The following PKLR variants were observed in gnomAD, a reference collection of about 807,000 sequenced individuals.
The protein encoded by PKLR is pyruvate kinase PKLR.
A neutral mutation model predicts 53.6 loss-of-function variants in PKLR; 38 were observed. The observed-to-expected ratio is 0.71, with a 90% confidence interval of 0.55 to 0.93. The LOEUF (loss-of-function observed/expected upper bound fraction) is 0.93, where lower values mean the gene tolerates loss of function less well. PKLR is among the 40% of genes least tolerant of loss of function. The pLI is 0.00. For missense variants in PKLR, 702 were observed against 787.3 expected, an observed-to-expected ratio of 0.89 and a Z score of 1.30; for synonymous variants, 328 against 316.2, an observed-to-expected ratio of 1.04 and a Z score of -0.39.
chr1:155,292,294 A>C (rs1449471990), intron 9 of PKLR, among the ~76,000 whole-genome samples: 1 of 152,000 alleles, frequency 6.6e-6, no homozygotes, highest in African/African-American at 2.4e-5. Context: ...AAGATATGAG[A>C]TAATACAGAT....
chr1:155,306,842 G>A, the PKLR span, among the ~76,000 whole-genome samples: 4 of 152,108 alleles, frequency 2.6e-5, no homozygotes, highest in Admixed American at 1.3e-4. This position sits in a 1 kb window ranked among gnomAD's most constrained non-coding sequence, Gnocchi z 4.2. Context: ...AGATGTGTTC[G>A]GAGTTTTTTC....
intron 2 of PKLR, 21 bp downstream of exon 2, chr1:155,300,077 C>G: frequency 6.2e-7 from 1 of 1,611,342 alleles, no homozygotes; most frequent in South Asian, 1.1e-5. Context: ...TGTGTGGCTG[C>G]AGGGGGATGG....
chr1:155,293,674 C>G lies in PKLR; in HGVS notation c.1117-84G>C. ...CCAAGCTACTTCTCTGACACCCACA[C>G]TCTCAGAGTGTCCCAAAATCCAGGG... On this transcript the variant is annotated intron_variant, in intron 7 of 10. Transcript: ENST00000342741. The surrounding 1 kb of genome is among the most constrained non-coding windows in gnomAD (Gnocchi z 4.2). 4 of 1,387,282 alleles carry G rather than the reference C, an allele frequency of 2.9e-6. No individual in the cohort carries two copies. Among genetic ancestry groups the G allele is most frequent in the African/African-American group, 1.4e-5 (1 of 70,892 alleles). 85.9% of individuals were successfully genotyped at this position (1,387,282 alleles called of 1,614,324 possible). A position where few individuals can be genotyped will look rare whatever the true frequency, so the allele number is the denominator to read the frequency against.
intron 10 of PKLR, 97 bp downstream of exon 10, chr1:155,291,659 G>A: frequency 1.9e-6 from 2 of 1,065,918 alleles, no homozygotes; most frequent in Non-Finnish European, 2.9e-6. Flanking sequence ...TGGGACCACA[G>A]GAGAGAGGCA....
upstream of PKLR, among the ~76,000 whole-genome samples, chr1:155,303,386 C>CCCACTGTCCAATCTTTATCGAGCA (rs1338572410): frequency 6.6e-6 from 1 of 152,194 alleles, no homozygotes; most frequent in African/African-American, 2.4e-5. Context: ...TTGCCCATTC[C>CCCACTGTCCAATCTTTATCGAGCA]CCACTGTCCA....
chr1:155,293,577 A>G lies in PKLR; in HGVS notation c.1130T>C (p.Met377Thr). 1 of 1,614,106 alleles carries G rather than the reference A, an allele frequency of 6.2e-7. No homozygotes were observed. Among genetic ancestry groups the G allele is most frequent in the Non-Finnish European group, 8.5e-7 (1 of 1,180,022 alleles). Residue 377 changes from methionine to threonine, a missense_variant, in exon 8 of 11, where the codon ATG (methionine) becomes ACG (threonine). By Grantham distance (81) the Met-to-Thr change is moderately conservative. This residue lies in a region of PKLR where 519 missense variants were observed against 537.1 expected (regional missense o/e 0.97). Transcript: ENST00000342741. The surrounding 1 kb of genome is among the most constrained non-coding windows in gnomAD (Gnocchi z 4.2). ...VVCATQMLES[M>T]ITKPRPTRAE... ...CCTCGTTGGCCGGGGCTTGGTAATC[A>G]TGCTCTCCAGCATCTGGGGGACAGC...
chr1:155,291,980 G>T (rs1411001148), intron 9 of PKLR, 43 bp from the exon 10 acceptor site: 1 of 1,577,362 alleles, frequency 6.3e-7, no homozygotes, highest in East Asian at 2.2e-5. Flanking sequence ...GCAAGAAAGT[G>T]GTGAACGAGG....
rs1463495893 is a variant in PKLR at position 155,294,662 on chromosome 1, G to A, written c.785C>T (p.Pro262Leu). The change falls in exon 6 of 11, where the codon CCC becomes CTC. Residue 262 changes from proline (P) to leucine (L), a missense_variant. This residue lies in a region of PKLR where 519 missense variants were observed against 537.1 expected (regional missense o/e 0.97). Coordinates refer to ENST00000342741, the MANE Select transcript of PKLR (RefSeq NM_000298.6). ...TCGGACGTCCTGCTCGGACAGCCCG[G>A]GCAAGTCCACCTGGGCCCCTGGCAA... The part of the protein sequence containing the change: ...VNLPGAQVDL[P>L]GLSEQDVRDL... The A allele has an allele frequency of 1.2e-6, 2 of 1,614,024 alleles. No homozygotes were observed. The highest frequency in any genetic ancestry group is 1.7e-6 in the Non-Finnish European group (2 of 1,180,044).
upstream of PKLR, among the ~76,000 whole-genome samples, chr1:155,304,525 A>G (rs113205811): frequency 6.6e-6 from 1 of 151,560 alleles, no homozygotes; most frequent in Non-Finnish European, 1.5e-5. Context: ...TAGGTGATGG[A>G]CTAGCATGTT....
chr1:155,291,345 A>G (rs1297791488), intron 10 of PKLR, among the ~76,000 whole-genome samples: 1 of 151,620 alleles, frequency 6.6e-6, no homozygotes, highest in Non-Finnish European at 1.5e-5. Flanking sequence ...AAAATACAAA[A>G]ATTATCCAGG....
intron 9 of PKLR, among the ~76,000 whole-genome samples, chr1:155,292,524 C>G (rs978590598): frequency 5.9e-5 from 9 of 152,274 alleles, no homozygotes; most frequent in Admixed American, 5.2e-4. Flanking sequence ...GTAATCCCAG[C>G]TACTCGGAAG....
chr1:155,296,803 G>T (rs1393854075), intron 2 of PKLR, among the ~76,000 whole-genome samples: 1 of 151,960 alleles, frequency 6.6e-6, no homozygotes, highest in African/African-American at 2.4e-5. Context: ...ATCTGTACTT[G>T]CTACCTCTAG....
chr1:155,295,135 G>A lies in PKLR; in HGVS notation c.675C>T (p.Ser225=), dbSNP rs759941126. 5.0e-6 allele frequency: 8 copies of A among 1,614,138 alleles called. No individual in the cohort carries two copies. The South Asian group carries it at 8.8e-5, about 18-fold the overall frequency. Residue 225 remains serine (S), a synonymous_variant, in exon 5 of 11, where the codon TCC becomes TCT. Coordinates refer to ENST00000342741, the MANE Select transcript of PKLR (RefSeq NM_000298.6). The surrounding 1 kb of genome is among the most constrained non-coding windows in gnomAD (Gnocchi z 4.3). ...CCGCACCGATTTTCTGGACCACTAG[G>A]GAGATGAGCCCGTCGTCAATGTAGA... ...GRIYIDDGLI[S]LVVQKIGPEG... is the part of the protein sequence containing the mutation.
chr1:155,296,314 G>T (rs1480251674), intron 2 of PKLR, among the ~76,000 whole-genome samples: 2 of 152,042 alleles, frequency 1.3e-5, no homozygotes, highest in Non-Finnish European at 2.9e-5. Context: ...GTGGTCCTCT[G>T]TGACACCCAT....
the PKLR span, among the ~76,000 whole-genome samples, chr1:155,308,172 C>T: frequency 0.39 from 59,668 of 151,108 alleles, 14,163 homozygotes; most frequent in East Asian, 0.7. Context: ...GCGATTCTCC[C>T]GCCTCAGCCC....
At position 155,293,122 on chromosome 1, in the gene PKLR, C is replaced by A; in HGVS notation, c.1436+55G>T. ...GACTAAACCCAAGCCTGGGGCCCGT[C>A]CCAGCCCACCCCTGACCCAAAGCTC... On this transcript the variant is annotated intron_variant, in intron 9 of 10. Transcript: ENST00000342741. The surrounding 1 kb of genome is among the most constrained non-coding windows in gnomAD (Gnocchi z 4.2). 225 of 1,084,622 alleles carry A rather than the reference C, an allele frequency of 2.1e-4. No homozygotes were observed. The highest frequency in any genetic ancestry group is 2.5e-4 in the Non-Finnish European group (182 of 720,924). 67.2% of individuals were successfully genotyped at this position (1,084,622 alleles called of 1,614,324 possible).
At chr1:155,301,522 AC>A (rs1557965745), upstream of PKLR, 2 of 1,220,592 alleles carry the variant, frequency 1.6e-6, no homozygotes, top group Middle Eastern at 2.6e-4. Flanking sequence ...CCCTGTCCCC[AC>A]AGAATCCCTC....
At position 155,295,474 on chromosome 1, in the gene PKLR, G is replaced by T; in HGVS notation, c.470C>A (p.Thr157Asn). ...CCCAGTGCGGATCTCCGGTCCCTTG[G>T]TGTCCAGGGCGATGGCCACGGGCCG... is the stretch of plus-strand genomic sequence containing the variant. ...SYRPVAIALD[T>N]KGPEIRTGIL... The change falls in exon 4 of 11, where the codon ACC becomes AAC. Residue 157 changes from threonine to asparagine, a missense_variant. By Grantham distance (65) the Thr-to-Asn change is moderately conservative. Around this residue, in one of 2 missense-constraint regions of PKLR, gnomAD observed 519 missense variants for 537.1 expected, o/e 0.97. Transcript: ENST00000342741. The surrounding 1 kb of genome is among the most constrained non-coding windows in gnomAD (Gnocchi z 4.3). The T allele has an allele frequency of 6.2e-7, 1 of 1,609,386 alleles. No homozygotes were observed. Among genetic ancestry groups the T allele is most frequent in the Non-Finnish European group, 8.5e-7 (1 of 1,178,082 alleles).
rs965246672 is a variant in PKLR, at chr1:155,289,574, T to A, written c.*998A>T. The A allele has an allele frequency of 3.9e-5, 6 of 152,470 alleles. No individual in the cohort carries two copies. Among genetic ancestry groups the A allele is most frequent in the African/African-American group, 1.4e-4 (6 of 41,438 alleles). 9.4% of individuals were successfully genotyped at this position (152,470 alleles called of 1,614,324 possible). ...TTGTTTTGTTTTTTCCTTCTGAGTT[T>A]GCTGTTGGTGCAGGAATAAGGGAAA... On this transcript the variant is annotated 3_prime_UTR_variant, in exon 11 of 11. Transcript: ENST00000342741.
Sources: allele counts gnomAD v4.1 joint callset (sites outside exome capture counted in the v4.1 genomes callset), GRCh38; gene constraint gnomAD v4.1.1; regional missense constraint gnomAD v4.1.1; non-coding constraint Gnocchi (gnomAD v3.1); transcripts MANE v1.5; gene names NCBI Gene and HGNC (gene_info 2026-07-23, HGNC 2026-07-21).